Variants in SLCO1B3 observed in about 807,000 individuals in gnomAD.
SLCO1B3 encodes solute carrier organic anion transporter family member 1B3, also known as liver-specific organic anion transporter 2.
A neutral mutation model predicts 71.8 loss-of-function variants in SLCO1B3; 72 were observed. That is an observed-to-expected ratio of 1.00 (90% CI 0.83 to 1.22). The LOEUF is 1.22. SLCO1B3 is among the 50% of genes most tolerant of loss of function. The probability of loss-of-function intolerance (pLI) is 0.00; values close to 1 mark genes in which losing one functional copy is unlikely to be tolerated. For synonymous variants in SLCO1B3, 298 were observed against 278.4 expected (o/e 1.07, Z -0.70); for missense variants, 911 against 819.7 (o/e 1.11, Z -1.36).
At chr12:20,900,485 T>C (rs1866107127) in intron 14 of SLCO1B3, among the ~76,000 whole-genome samples, 1 of 152,138 alleles carries the variant, frequency 6.6e-6, no homozygotes, top group Non-Finnish European at 1.5e-5. Context: ...TAGGAGTTAA[T>C]CTCAGAATTT....
rs562423482 is a variant in SLCO1B3, at chr12:20,875,097, A to T, written c.728-138A>T. 6 of 1,111,212 alleles carry T rather than the reference A, an allele frequency of 5.4e-6. No homozygotes were observed. In the African/African-American group the frequency reaches 9.5e-5, roughly 18 times the overall value. 68.8% of individuals were successfully genotyped at this position (1,111,212 alleles called of 1,614,324 possible). ...GATAACAAAATATGAAAAGAAGAAAATAGTGTTTTAGAATTGAAAGTAAAC... is the reference window on the plus strand; with the variant it reads ...GATAACAAAATATGAAAAGAAGAAATTAGTGTTTTAGAATTGAAAGTAAAC... On this transcript the variant is annotated intron_variant, in intron 8 of 15. Transcript: ENST00000381545.
Position 20,820,366 on chromosome 12 carries a change from C to T in SLCO1B3, c.84+4544C>T, listed in dbSNP as rs200652388. Among the ~76,000 whole-genome samples the T allele has an allele frequency of 1.7e-3, 252 of 152,230 alleles. 4 individuals carry two copies. The East Asian group carries it at 0.025, about 15-fold the overall frequency. On this transcript the variant is annotated intron_variant, in intron 3 of 15. Coordinates refer to ENST00000381545, the MANE Select transcript of SLCO1B3 (RefSeq NM_019844.4). ...TGGCTGCCAGGTGAGTTGAACAGTC[C>T]GATTTCCACTGGGGTCCCACACAGA...
At chr12:20,888,102 A>G (rs1318940281) in intron 13 of SLCO1B3, among the ~76,000 whole-genome samples, 1 of 151,958 alleles carries the variant, frequency 6.6e-6, no homozygotes, top group Non-Finnish European at 1.5e-5. Flanking sequence ...TTTTTATACT[A>G]GTACCCTTTT....
intron 13 of SLCO1B3, among the ~76,000 whole-genome samples, chr12:20,892,228 A>T (rs1025683397): frequency 1.3e-5 from 2 of 151,968 alleles, no homozygotes; most frequent in East Asian, 3.9e-4. Flanking sequence ...GGTTTTTTCC[A>T]TTTGAAAATG....
At chr12:20,866,952 A>C (rs932367535) in intron 8 of SLCO1B3, among the ~76,000 whole-genome samples, 1 of 152,156 alleles carries the variant, frequency 6.6e-6, no homozygotes, top group Non-Finnish European at 1.5e-5. Flanking sequence ...AGGCCTGAAC[A>C]ATAACTTTTT....
intron 13 of SLCO1B3, among the ~76,000 whole-genome samples, chr12:20,891,843 C>T (rs948943364): frequency 6.6e-6 from 1 of 152,006 alleles, no homozygotes; most frequent in Non-Finnish European, 1.5e-5. Flanking sequence ...ATTTTGCAGT[C>T]CCTTCAATAC....
At chr12:20,893,988 T>G (rs1365898086) in intron 13 of SLCO1B3, among the ~76,000 whole-genome samples, 2 of 152,166 alleles carry the variant, frequency 1.3e-5, no homozygotes, top group Non-Finnish European at 2.9e-5. Context: ...TTAGAGCTGT[T>G]CTTCAGTCTT....
chr12:20,852,182 A>G (rs538129834), intron 3 of SLCO1B3, among the ~76,000 whole-genome samples: 2 of 152,142 alleles, frequency 1.3e-5, no homozygotes, highest in East Asian at 1.9e-4. Context: ...TTCTATTTCT[A>G]TACAAATGCT....
chr12:20,912,300 T>TA (rs1866395581), intron 15 of SLCO1B3, among the ~76,000 whole-genome samples: 2 of 135,552 alleles, frequency 1.5e-5, no homozygotes, highest in African/African-American at 5.7e-5. Flanking sequence ...TTTATTTTTA[T>TA]TTTTATTTAT....
At chr12:20,892,042 T>A (rs2121342070) in intron 13 of SLCO1B3, among the ~76,000 whole-genome samples, 1 of 152,256 alleles carries the variant, frequency 6.6e-6, no homozygotes, top group East Asian at 1.9e-4. Flanking sequence ...ATATTTTGGA[T>A]TCTTTATCAG....
chr12:20,906,656 C>T (rs1448167866), intron 15 of SLCO1B3, among the ~76,000 whole-genome samples: 1 of 151,970 alleles, frequency 6.6e-6, no homozygotes, highest in Non-Finnish European at 1.5e-5. Context: ...ACAAAAAAAT[C>T]ACGAAACATT....
At chr12:20,860,964 C>A (rs1040861498) in intron 5 of SLCO1B3, 53 bp from the exon 6 acceptor site, 143 of 1,488,758 alleles carry the variant, frequency 9.6e-5, no homozygotes, top group Admixed American at 4.7e-5. Flanking sequence ...TCTGGGAAAA[C>A]TGAAAATATT....
intron 15 of SLCO1B3, among the ~76,000 whole-genome samples, chr12:20,905,179 T>C (rs1315390383): frequency 1.3e-5 from 2 of 152,116 alleles, no homozygotes; most frequent in African/African-American, 4.8e-5. Flanking sequence ...GGAAATAAGG[T>C]GTCATCTCCC....
chr12:20,823,872 T>G (rs1864369747), intron 3 of SLCO1B3, among the ~76,000 whole-genome samples: 1 of 152,196 alleles, frequency 6.6e-6, no homozygotes, highest in Admixed American at 6.5e-5. Flanking sequence ...ATGGGGCTAG[T>G]TTTTCCAAGG....
intron 13 of SLCO1B3, among the ~76,000 whole-genome samples, chr12:20,891,477 G>A (rs1206048307): frequency 6.6e-6 from 1 of 152,034 alleles, no homozygotes; most frequent in Non-Finnish European, 1.5e-5. Context: ...TTGACTTTGA[G>A]TAGTCTGATG....
At chr12:20,906,479 CTAATG>C (rs1866248297) in intron 15 of SLCO1B3, among the ~76,000 whole-genome samples, 1 of 152,066 alleles carries the variant, frequency 6.6e-6, no homozygotes, top group Non-Finnish European at 1.5e-5. Flanking sequence ...AAAGTGAACT[CTAATG>C]TAAAATATGC....
At chr12:20,870,069 A>G (rs1033035769) in intron 8 of SLCO1B3, among the ~76,000 whole-genome samples, 5 of 152,248 alleles carry the variant, frequency 3.3e-5, no homozygotes, top group African/African-American at 1.2e-4. Context: ...TTTGATTTGC[A>G]TTATTATGAT....
intron 3 of SLCO1B3, among the ~76,000 whole-genome samples, chr12:20,839,036 A>T (rs1016262738): frequency 2.0e-5 from 3 of 151,922 alleles, no homozygotes; most frequent in African/African-American, 7.2e-5. Flanking sequence ...TTTACTTTCA[A>T]ATTACACCAT....
rs1865629239 is a variant in SLCO1B3, at chr12:20,878,606, T to G, written c.1135+670T>G. On this transcript the variant is annotated intron_variant, in intron 10 of 15. Transcript: ENST00000381545. ...GGTATGTATCTAGGTCATATGTACA[T>G]AGGAAAGTAATAATTAGAAAATGAA... 3.9e-5 allele frequency among the ~76,000 whole-genome samples: 6 copies of G among 152,122 alleles called. No individual in the cohort carries two copies. In the South Asian group the frequency reaches 1.2e-3, roughly 31 times the overall value.
Sources: gnomAD v4.1 joint callset for allele counts (sites outside exome capture counted in the v4.1 genomes callset) on GRCh38, gnomAD v4.1.1 for gene constraint, MANE v1.5 for transcripts, NCBI Gene and HGNC (gene_info 2026-07-23, HGNC 2026-07-21) for gene names.